The following ADAM7 variants were observed in gnomAD, a reference collection of about 807,000 sequenced individuals.
The protein encoded by ADAM7 is ADAM metallopeptidase domain 7.
ADAM7 carries 97 observed loss-of-function variants against 102.9 expected under a neutral mutation model. The observed-to-expected ratio is 0.94, with a 90% confidence interval of 0.80 to 1.12. The LOEUF is 1.12. Among genes scored for constraint, ADAM7 ranks in the 50% most tolerant of loss-of-function variants. The pLI, the probability that ADAM7 is intolerant of heterozygous loss-of-function variation, is 0.00. For missense variants in ADAM7, 991 were observed against 908.7 expected (o/e 1.09, Z -1.16); for synonymous variants, 334 against 304.4 (o/e 1.10, Z -1.01).
At chr8:24,455,775 T>C (rs1374519711) in intron 3 of ADAM7, among the ~76,000 whole-genome samples, 1 of 152,262 alleles carries the variant, frequency 6.6e-6, no homozygotes, top group Non-Finnish European at 1.5e-5. Flanking sequence ...AAATTTTAAA[T>C]GTCCATCTAC....
In ADAM7 at chr8:24,509,377, G is replaced by A. The variant is rs1046531259; in HGVS notation, c.*831G>A. On this transcript the variant is annotated 3_prime_UTR_variant, in exon 22 of 22. Transcript: ENST00000175238. Reference sequence around the variant, plus strand: ...GTTATGGGATGGGGGATTACCCTGGGAATGATTTCAGCTGCTTCTTACACA... The same window carrying A: ...GTTATGGGATGGGGGATTACCCTGGAAATGATTTCAGCTGCTTCTTACACA... The A allele has an allele frequency of 2.0e-6, 2 of 985,330 alleles. No individual in the cohort carries two copies. The highest frequency in any genetic ancestry group is 2.4e-6 in the Non-Finnish European group (2 of 829,940). 61.0% of individuals were successfully genotyped at this position (985,330 alleles called of 1,614,324 possible).
intron 3 of ADAM7, among the ~76,000 whole-genome samples, chr8:24,448,018 CCAGA>C (rs760383199): frequency 3.5e-4 from 53 of 150,780 alleles, no homozygotes; most frequent in Admixed American, 7.3e-4. Context: ...GAATCCGTCA[CCAGA>C]CAAATGTGCC....
chr8:24,451,662 T>C (rs1370191005), intron 3 of ADAM7, among the ~76,000 whole-genome samples: 1 of 151,694 alleles, frequency 6.6e-6, no homozygotes, highest in East Asian at 1.9e-4. Flanking sequence ...AGTTCTGCTC[T>C]GATTTTAGTT....
intron 16 of ADAM7, 95 bp downstream of exon 16, chr8:24,493,324 A>G: frequency 9.0e-7 from 1 of 1,110,002 alleles, no homozygotes; most frequent in Non-Finnish European, 1.2e-6. Context: ...AGGTCTAGAT[A>G]TGGAAAAGGA....
In ADAM7 at chr8:24,506,367, G is replaced by A. The variant is rs186861658; in HGVS notation, c.2209-1113G>A. The stretch of plus-strand genomic sequence containing the variant: ...GGGGTTAGGGTGAGGAGAGTGAAGT[G>A]AGCCAGGCAAGTCCTAGGGCAGACC... On this transcript the variant is annotated intron_variant, in intron 20 of 21. Transcript: ENST00000175238. Among the ~76,000 whole-genome samples, 337 of 152,156 alleles carry A rather than the reference G, an allele frequency of 2.2e-3. 2 individuals carry two copies. The highest frequency in any genetic ancestry group is 3.1e-3 in the Non-Finnish European group (208 of 68,002).
At chr8:24,477,965 T>C (rs1260198340) in intron 8 of ADAM7, among the ~76,000 whole-genome samples, 1 of 152,164 alleles carries the variant, frequency 6.6e-6, no homozygotes, top group African/African-American at 2.4e-5. Context: ...TCTTATAGTT[T>C]CCACCTCTCT....
At chr8:24,472,182 C>T (rs1819630160) in intron 7 of ADAM7, among the ~76,000 whole-genome samples, 1 of 148,266 alleles carries the variant, frequency 6.7e-6, no homozygotes, top group South Asian at 2.1e-4. Context: ...TCCTCTCCAT[C>T]AGAAAATGTA....
intron 3 of ADAM7, among the ~76,000 whole-genome samples, chr8:24,457,863 A>AGTGT (rs58099346): frequency 0.18 from 26,639 of 147,742 alleles, 2,522 homozygotes; most frequent in East Asian, 0.38. Context: ...TATGTGTGTG[A>AGTGT]GTGTGTGTGT....
intron 20 of ADAM7, among the ~76,000 whole-genome samples, chr8:24,507,218 C>T (rs1820980999): frequency 6.6e-6 from 1 of 152,084 alleles, no homozygotes. Flanking sequence ...AGGGAAGATT[C>T]ACAGATTTTA....
At position 24,508,874 on chromosome 8, in the gene ADAM7, C is replaced by A. The variant is rs1342528814; in HGVS notation, c.*328C>A. ...CTCTGCTTTCTTTTAAGAATCCAAA[C>A]TTTAAGGATGATAACTTACAGTCTA... On this transcript the variant is annotated 3_prime_UTR_variant, in exon 22 of 22. Transcript: ENST00000175238. 1 of 1,159,520 alleles carries A rather than the reference C, an allele frequency of 8.6e-7. No individual in the cohort carries two copies. Among genetic ancestry groups the A allele is most frequent in the African/African-American group, 1.6e-5 (1 of 62,902 alleles). The allele number at this position is 1,159,520 out of a possible 1,614,324, so 71.8% of individuals were successfully genotyped here. A position where few individuals can be genotyped will look rare whatever the true frequency, so the allele number is the denominator to read the frequency against.
At chr8:24,456,481 G>A (rs995938806) in intron 3 of ADAM7, among the ~76,000 whole-genome samples, 10 of 152,034 alleles carry the variant, frequency 6.6e-5, no homozygotes, top group African/African-American at 1.4e-4. Flanking sequence ...AATCTTTTAC[G>A]TAAACACCCA....
chr8:24,505,394 A>G (rs1374998519), intron 20 of ADAM7, among the ~76,000 whole-genome samples: 1 of 152,176 alleles, frequency 6.6e-6, no homozygotes, highest in Non-Finnish European at 1.5e-5. Context: ...AATAAATTCA[A>G]TTTACTGTTG....
At position 24,466,926 on chromosome 8, in the gene ADAM7, C is replaced by A. The variant is rs1242314090; in HGVS notation, c.517C>A (p.Leu173Ile). Residue 173 changes from leucine (L) to isoleucine (I), a missense_variant, in exon 6 of 22, where the codon CTT (leucine) becomes ATT (isoleucine). Coordinates refer to ENST00000175238, the MANE Select transcript of ADAM7 (RefSeq NM_003817.4). ...TGGTGCCAATTATTCCTGTACAGAG[C>A]TTAATTTTACCAGAAAAACTGTTCC... is the stretch of plus-strand genomic sequence containing the variant. Reference protein sequence around the residue: ...PYGANYSCTELNFTRKTVPGD... With the variant: ...PYGANYSCTEINFTRKTVPGD... The A allele has an allele frequency of 1.5e-5, 24 of 1,613,842 alleles. No individual in the cohort carries two copies. The highest frequency in any genetic ancestry group is 2.2e-5 in the South Asian group (2 of 91,076).
At position 24,465,707 on chromosome 8, in the gene ADAM7, T is replaced by C. The variant is rs1203270698; in HGVS notation, c.321T>C (p.Cys107=). Reference sequence around the variant, plus strand: ...GTCTTCTTCTATTTTAGGATCATTGTTTTTACCAAGGATCCATAGTACACG... The same window carrying C: ...GTCTTCTTCTATTTTAGGATCATTGCTTTTACCAAGGATCCATAGTACACG... ...FTRHPQIMDH[C]FYQGSIVHEY... The change falls in exon 5 of 22, where the codon TGT becomes TGC. Residue 107 remains cysteine, a synonymous_variant. Transcript: ENST00000175238. The C allele has an allele frequency of 8.7e-6, 14 of 1,601,150 alleles. No homozygotes were observed. The highest frequency in any genetic ancestry group is 2.3e-5 in the South Asian group (2 of 87,754).
At chr8:24,502,550 A>G (rs1050622656) in intron 20 of ADAM7, among the ~76,000 whole-genome samples, 1 of 152,056 alleles carries the variant, frequency 6.6e-6, no homozygotes, top group African/African-American at 2.4e-5. Context: ...AGAATCAGAA[A>G]GGCAACATCA....
chr8:24,459,433 C>A (rs967483470), intron 3 of ADAM7, among the ~76,000 whole-genome samples: 4 of 150,648 alleles, frequency 2.7e-5, no homozygotes, highest in African/African-American at 9.9e-5. Context: ...AATTGTCGAC[C>A]TTTTATTTAT....
chr8:24,466,857 G>A lies in ADAM7; in HGVS notation c.448G>A (p.Glu150Lys), dbSNP rs1819443471. The stretch of plus-strand genomic sequence containing the variant: ...CATTGAACCAGTGAAATACTCAGAT[G>A]AGGGAGAACATTTGGTGTTCAAATA... Reference protein sequence around the residue: ...YLIEPVKYSDEGEHLVFKYNL... With the variant: ...YLIEPVKYSDKGEHLVFKYNL... Residue 150 changes from glutamate to lysine, a missense_variant, in exon 6 of 22, where the codon GAG (glutamate) becomes AAG (lysine). Coordinates refer to ENST00000175238, the MANE Select transcript of ADAM7 (RefSeq NM_003817.4). 6.2e-7 allele frequency: 1 copy of A among 1,613,950 alleles called. No individual in the cohort carries two copies. The highest frequency in any genetic ancestry group is 1.1e-5 in the South Asian group (1 of 91,084).
chr8:24,496,960 G>A (rs879655478), intron 16 of ADAM7, among the ~76,000 whole-genome samples: 3 of 152,166 alleles, frequency 2.0e-5, no homozygotes, highest in African/African-American at 7.2e-5. Flanking sequence ...GGCCAGGGAC[G>A]GAATGATGTG....
intron 14 of ADAM7, 60 bp downstream of exon 14, chr8:24,492,158 G>GA: frequency 1.3e-6 from 2 of 1,500,558 alleles, no homozygotes; most frequent in Non-Finnish European, 1.8e-6. Flanking sequence ...CTCTGTTATT[G>GA]CCCTGTAGGA....
Sources: gnomAD v4.1 joint callset for allele counts (sites outside exome capture counted in the v4.1 genomes callset) on GRCh38, gnomAD v4.1.1 for gene constraint, MANE v1.5 for transcripts, NCBI Gene and HGNC (gene_info 2026-07-23, HGNC 2026-07-21) for gene names.